RFC1: variants seen among roughly 807,000 people sequenced by gnomAD.
The protein encoded by RFC1 is A1 140 kDa subunit.
Under a neutral mutation model 137.4 loss-of-function variants are expected in RFC1, and 37 were observed. The observed-to-expected ratio is 0.27, with a 90% CI of 0.21 to 0.35. The LOEUF (loss-of-function observed/expected upper bound fraction) is 0.35, where lower values mean the gene tolerates loss of function less well. Ranked by LOEUF, RFC1 falls within the 10% of genes least tolerant of loss-of-function variation. The pLI, the probability that RFC1 is intolerant of heterozygous loss-of-function variation, is 1.00. For synonymous variants in RFC1, 429 were observed against 455.7 expected (o/e 0.94, Z 0.75); for missense variants, 1,205 against 1,358.5 (o/e 0.89, Z 1.78).
chr4:39,300,925 C>T (rs1411269210), intron 19 of RFC1, among the ~76,000 whole-genome samples: 2 of 151,784 alleles, frequency 1.3e-5, no homozygotes, highest in African/African-American at 2.4e-5. Flanking sequence ...AAAACCTCGT[C>T]TCTACTAAAA....
chr4:39,341,966 C>G (rs1019820194), intron 4 of RFC1, among the ~76,000 whole-genome samples: 1 of 152,082 alleles, frequency 6.6e-6, no homozygotes, highest in Admixed American at 6.6e-5. Context: ...AACATCCGTG[C>G]TAAATTATAA....
At chr4:39,328,650 G>A (rs1050839352) in intron 4 of RFC1, among the ~76,000 whole-genome samples, 1 of 152,196 alleles carries the variant, frequency 6.6e-6, no homozygotes, top group Non-Finnish European at 1.5e-5. Context: ...TGCCAGAAGA[G>A]TTCGGGTGAA....
chr4:39,328,782 C>A (rs1027439373), intron 4 of RFC1, among the ~76,000 whole-genome samples: 1 of 152,106 alleles, frequency 6.6e-6, no homozygotes, highest in African/African-American at 2.4e-5. Flanking sequence ...TAAGGCCTGT[C>A]ATTTGGAAAA....
In RFC1 at chr4:39,287,696, A is replaced by C. The variant is rs1737446027; in HGVS notation, c.*1065T>G. 1 of 152,198 alleles carries C rather than the reference A, an allele frequency of 6.6e-6. No homozygotes were observed. Among genetic ancestry groups the C allele is most frequent in the Non-Finnish European group, 1.5e-5 (1 of 68,056 alleles). The allele number at this position is 152,198 out of a possible 1,614,324, so 9.4% of individuals were successfully genotyped here. A position where few individuals can be genotyped will look rare whatever the true frequency, so the allele number is the denominator to read the frequency against. ...AGATTAAAAAATAGCTAGACATCTAAATTCCAGGCTAGGTCCATAGCCTCA... is the reference window on the plus strand; with the variant it reads ...AGATTAAAAAATAGCTAGACATCTACATTCCAGGCTAGGTCCATAGCCTCA... On this transcript the variant is annotated 3_prime_UTR_variant, in exon 25 of 25. Transcript: ENST00000349703.
At chr4:39,290,865 T>C (rs905786887) in intron 23 of RFC1, among the ~76,000 whole-genome samples, 1 of 152,012 alleles carries the variant, frequency 6.6e-6, no homozygotes, top group African/African-American at 2.4e-5. Context: ...AGTTGGCCTT[T>C]AATTTCCACA....
At position 39,326,633 on chromosome 4, in the gene RFC1, T is replaced by C. The variant is rs779100462; in HGVS notation, c.572A>G (p.Gln191Arg). 2.5e-6 allele frequency: 4 copies of C among 1,611,016 alleles called. No individual in the cohort carries two copies. The highest frequency in any genetic ancestry group is 3.3e-5 in the Admixed American group (2 of 59,920). The change falls in exon 6 of 25, where the codon CAA (glutamine) becomes CGA (arginine). Residue 191 changes from glutamine to arginine, a missense_variant. Gln to Arg is a conservative substitution (Grantham distance 43, BLOSUM62 1). Transcript: ENST00000349703. ...ATTTAATCCAGACTCATCTGTATTT[T>C]GTGAAAGCTATATTTCAAAGAAAAT... is the stretch of plus-strand genomic sequence containing the variant. ...MVASKRKELSQNTDESGLNDE... is the reference protein window; with the variant it reads ...MVASKRKELSRNTDESGLNDE...
chr4:39,351,695 C>CTCA, intron 1 of RFC1, among the ~76,000 whole-genome samples: 1 of 152,158 alleles, frequency 6.6e-6, no homozygotes, highest in Admixed American at 6.5e-5. Context: ...GGCGCGGTGG[C>CTCA]TCACGCCTGT....
intron 6 of RFC1, among the ~76,000 whole-genome samples, chr4:39,324,745 A>G (rs982364112): frequency 3.3e-5 from 5 of 152,134 alleles, no homozygotes; most frequent in African/African-American, 1.2e-4. Flanking sequence ...TGGTGAGGGG[A>G]CCTTAGAGCC....
intron 13 of RFC1, 35 bp downstream of exon 13, chr4:39,308,601 C>T: frequency 6.3e-7 from 1 of 1,583,718 alleles, no homozygotes; most frequent in South Asian, 1.2e-5. Flanking sequence ...TGTTGATATA[C>T]ACACACACAA....
rs769655528 is a variant in RFC1, at chr4:39,312,907, G to C, written c.1228C>G (p.Leu410Val). The change falls in exon 11 of 25, where the codon CTT (leucine) becomes GTT (valine). Residue 410 changes from leucine (L) to valine (V), a missense_variant. By Grantham distance (32) the Leu-to-Val change is conservative (BLOSUM62 1). Around this residue, in one of 3 missense-constraint regions of RFC1, gnomAD observed 962 missense variants for 1,035.3 expected, o/e 0.93. Coordinates refer to ENST00000349703, the MANE Select transcript of RFC1 (RefSeq NM_002913.5). ...AGCACGCCTGTGATTACAAATATAA[G>C]GCCTTCCAAGCAATTTTCAGCTCCC... ...PKGAENCLEGLIFVITGVLES... is the reference protein window; with the variant it reads ...PKGAENCLEGVIFVITGVLES... The C allele has an allele frequency of 6.2e-7, 1 of 1,612,190 alleles. No individual in the cohort carries two copies. The highest frequency in any genetic ancestry group is 8.5e-7 in the Non-Finnish European group (1 of 1,178,898).
At chr4:39,359,755 G>A (rs897983803) in intron 1 of RFC1, among the ~76,000 whole-genome samples, 2 of 151,440 alleles carry the variant, frequency 1.3e-5, no homozygotes, top group Non-Finnish European at 2.9e-5. Flanking sequence ...CCGGGAGGCG[G>A]ACCTTGCAGT....
At chr4:39,349,812 C>A (rs985077186) in intron 2 of RFC1, among the ~76,000 whole-genome samples, 3 of 152,132 alleles carry the variant, frequency 2.0e-5, no homozygotes, top group African/African-American at 7.2e-5. Context: ...TGAGACCAGC[C>A]TGGCCAATAT....
intron 3 of RFC1, among the ~76,000 whole-genome samples, chr4:39,344,945 C>A (rs1369033410): frequency 1.3e-5 from 2 of 152,144 alleles, no homozygotes; most frequent in Non-Finnish European, 2.9e-5. Flanking sequence ...CTTGAGCATA[C>A]AGCCCTCTTC....
chr4:39,322,722 T>A (rs1410575043), intron 7 of RFC1, among the ~76,000 whole-genome samples: 1 of 151,388 alleles, frequency 6.6e-6, no homozygotes, highest in East Asian at 1.9e-4. Flanking sequence ...GAGGCTTCAG[T>A]GTGCTATGAA....
intron 1 of RFC1, among the ~76,000 whole-genome samples, chr4:39,359,408 C>T (rs772268349): frequency 6.6e-6 from 1 of 152,126 alleles, no homozygotes; most frequent in Non-Finnish European, 1.5e-5. Flanking sequence ...TAATGGCATT[C>T]GCAGCAACCC....
chr4:39,333,056 G>C (rs983038545), intron 4 of RFC1, among the ~76,000 whole-genome samples: 1 of 152,186 alleles, frequency 6.6e-6, no homozygotes, highest in Admixed American at 6.5e-5. Flanking sequence ...GGGAAAAACA[G>C]TGCTGAACCA....
intron 5 of RFC1, 37 bp from the exon 6 acceptor site, chr4:39,326,677 A>T: frequency 6.4e-7 from 1 of 1,554,586 alleles, no homozygotes; most frequent in Non-Finnish European, 8.8e-7. Flanking sequence ...ATCAGCATAA[A>T]CCTTAAGTTA....
rs145940289 is a variant in RFC1, at chr4:39,344,572, G to A, written c.208+829C>T. ...AGGCCAGGAGTTTGAGACCAGCCTT[G>A]TCTACGTGGTGAAACCCCATCTCTA... On this transcript the variant is annotated intron_variant, in intron 3 of 24. Transcript: ENST00000349703. 3.3e-3 allele frequency among the ~76,000 whole-genome samples: 505 copies of A among 152,256 alleles called. 2 individuals are homozygous for A. The highest frequency in any genetic ancestry group is 0.012 in the African/African-American group (483 of 41,560).
At chr4:39,307,867 TATAA>T (rs1196434710) in intron 13 of RFC1, among the ~76,000 whole-genome samples, 1 of 152,248 alleles carries the variant, frequency 6.6e-6, no homozygotes, top group East Asian at 1.9e-4. Flanking sequence ...ATATTATTTT[TATAA>T]ATAAACAGGC....
Sources: allele counts gnomAD v4.1 joint callset (sites outside exome capture counted in the v4.1 genomes callset), GRCh38; gene constraint gnomAD v4.1.1; regional missense constraint gnomAD v4.1.1; transcripts MANE v1.5; gene names NCBI Gene and HGNC (gene_info 2026-07-23, HGNC 2026-07-21).